Variants in GRM8 observed in about 807,000 individuals in gnomAD.
The protein encoded by GRM8 is glutamate metabotropic receptor 8, also known as metabotropic glutamate receptor 8.
A neutral mutation model predicts 87.2 loss-of-function variants in GRM8; 47 were observed. The ratio of observed to expected loss-of-function variants is 0.54; its 90% CI spans 0.43 to 0.69. The LOEUF (loss-of-function observed/expected upper bound fraction) is 0.69, where lower values mean the gene tolerates loss of function less well. Ranked by LOEUF, GRM8 falls within the 30% of genes least tolerant of loss-of-function variation. The pLI, the probability that GRM8 is intolerant of heterozygous loss-of-function variation, is 0.00. For missense variants in GRM8, 1,019 were observed against 1,139.2 expected (o/e 0.89, Z 1.52); for synonymous variants, 396 against 404.5 (o/e 0.98, Z 0.25).
At chr7:126,481,573 A>G (rs567598390) in intron 9 of GRM8, among the ~76,000 whole-genome samples, 3 of 152,134 alleles carry the variant, frequency 2.0e-5, no homozygotes, top group Admixed American at 2.0e-4. Context: ...ATTCAATCTA[A>G]TCAAGAGAAA....
At chr7:127,094,746 G>A (rs17869248) in intron 3 of GRM8, among the ~76,000 whole-genome samples, 1,769 of 152,288 alleles carry the variant, frequency 0.012, 38 homozygotes, top group African/African-American at 0.039. Context: ...AATACAGTTG[G>A]CAATAGGAGT....
chr7:126,605,307 C>G (rs796223175), intron 8 of GRM8, among the ~76,000 whole-genome samples: 1 of 152,106 alleles, frequency 6.6e-6, no homozygotes, highest in Non-Finnish European at 1.5e-5. Flanking sequence ...CTCAGGTAGA[C>G]AATACATGCC....
intron 3 of GRM8, among the ~76,000 whole-genome samples, chr7:127,073,169 A>T (rs1001342198): frequency 6.6e-6 from 1 of 152,136 alleles, no homozygotes; most frequent in Admixed American, 6.5e-5. Flanking sequence ...TTTGAGAGGG[A>T]TCAAACTTCT....
intron 9 of GRM8, among the ~76,000 whole-genome samples, chr7:126,448,933 G>C (rs1395027868): frequency 1.3e-5 from 2 of 151,670 alleles, no homozygotes; most frequent in African/African-American, 4.8e-5. Context: ...ATAATAACAG[G>C]TACTAGGCTT....
At chr7:127,239,238 G>T (rs1429504164) in intron 2 of GRM8, among the ~76,000 whole-genome samples, 1 of 152,134 alleles carries the variant, frequency 6.6e-6, no homozygotes, top group African/African-American at 2.4e-5. Context: ...TCCAAATTTG[G>T]CCCAAATATT....
intron 2 of GRM8, among the ~76,000 whole-genome samples, chr7:127,142,835 A>G (rs1327443313): frequency 6.6e-6 from 1 of 152,180 alleles, no homozygotes; most frequent in African/African-American, 2.4e-5. Context: ...TAGCGACAAC[A>G]GATAAAAATC....
intron 7 of GRM8, among the ~76,000 whole-genome samples, chr7:126,714,110 A>G (rs892775118): frequency 7.3e-6 from 1 of 136,938 alleles, no homozygotes; most frequent in African/African-American, 3.0e-5. Context: ...CATCTTTACT[A>G]AAAAAAAAAA....
chr7:126,995,912 C>T (rs565349752), intron 3 of GRM8, among the ~76,000 whole-genome samples: 2 of 151,980 alleles, frequency 1.3e-5, no homozygotes, highest in South Asian at 4.1e-4. Context: ...TACCTAAAGG[C>T]ATTTAATAAT....
intron 7 of GRM8, among the ~76,000 whole-genome samples, chr7:126,636,236 T>C (rs1801840188): frequency 6.6e-6 from 1 of 152,204 alleles, no homozygotes; most frequent in East Asian, 1.9e-4. Context: ...ATATTTTGTA[T>C]TTTTAAATTA....
At chr7:126,745,394 A>ATATTATATTATATTATATTATATTG (rs1815532816) in intron 7 of GRM8, among the ~76,000 whole-genome samples, 1 of 149,596 alleles carries the variant, frequency 6.7e-6, no homozygotes, top group African/African-American at 2.4e-5. Flanking sequence ...ACATAGTCAT[A>ATATTATATTATATTATATTATATTG]TATTATATTA....
At chr7:126,701,986 G>C (rs74940868) in intron 7 of GRM8, among the ~76,000 whole-genome samples, 1 of 152,288 alleles carries the variant, frequency 6.6e-6, no homozygotes, top group East Asian at 1.9e-4. Flanking sequence ...TGAACAACAA[G>C]TTATTTGGTC....
intron 3 of GRM8, among the ~76,000 whole-genome samples, chr7:127,030,557 C>T (rs1256553849): frequency 6.6e-6 from 1 of 152,106 alleles, no homozygotes; most frequent in Non-Finnish European, 1.5e-5. Context: ...TTTTATTAAT[C>T]TTCACCATCT....
intron 7 of GRM8, among the ~76,000 whole-genome samples, chr7:126,699,464 T>C (rs922779197): frequency 6.6e-6 from 1 of 152,192 alleles, no homozygotes. Context: ...TGATATTTCA[T>C]GAGATGCCTA....
intron 2 of GRM8, among the ~76,000 whole-genome samples, chr7:127,110,809 A>C (rs1447059972): frequency 6.6e-6 from 1 of 152,102 alleles, no homozygotes; most frequent in Non-Finnish European, 1.5e-5. Context: ...ACTTTCCCCA[A>C]CATGGAGGGG....
intron 2 of GRM8, among the ~76,000 whole-genome samples, chr7:127,240,067 C>T (rs1200575324): frequency 6.6e-6 from 1 of 152,146 alleles, no homozygotes; most frequent in Non-Finnish European, 1.5e-5. Context: ...GCAAGAGCTG[C>T]CCTTTCATGT....
chr7:126,723,300 T>G (rs1009259331), intron 7 of GRM8, among the ~76,000 whole-genome samples: 12 of 152,098 alleles, frequency 7.9e-5, no homozygotes, highest in Non-Finnish European at 1.6e-4. Flanking sequence ...TTATTTCACC[T>G]ATATTTAGAA....
chr7:126,940,721 C>A (rs1357064512), intron 3 of GRM8, among the ~76,000 whole-genome samples: 1 of 152,162 alleles, frequency 6.6e-6, no homozygotes, highest in Admixed American at 6.5e-5. Flanking sequence ...GCTATAATAT[C>A]CCTTGCTGTC....
chr7:126,756,043 A>G (rs1816969257), intron 7 of GRM8, among the ~76,000 whole-genome samples: 1 of 151,988 alleles, frequency 6.6e-6, no homozygotes, highest in Non-Finnish European at 1.5e-5. Context: ...AATAACAACA[A>G]CAATGATACA....
chr7:126,465,462 T>C (rs1395447223), intron 9 of GRM8, among the ~76,000 whole-genome samples: 2 of 151,894 alleles, frequency 1.3e-5, no homozygotes, highest in Non-Finnish European at 2.9e-5. Flanking sequence ...TTCTGATCCA[T>C]GAATTTTTAT....
Sources: allele counts gnomAD v4.1 joint callset (sites outside exome capture counted in the v4.1 genomes callset), GRCh38; gene constraint gnomAD v4.1.1; transcripts MANE v1.5; gene names NCBI Gene and HGNC (gene_info 2026-07-23, HGNC 2026-07-21).